Variants in CTDSPL2 observed in about 807,000 individuals in gnomAD.
The protein encoded by CTDSPL2 is CTD small phosphatase-like protein 2.
Under a neutral mutation model 60.0 loss-of-function variants are expected in CTDSPL2, and 5 were observed. The observed-to-expected ratio is 0.08, with a 90% CI of 0.04 to 0.18. The LOEUF is 0.18. Among genes scored for constraint, CTDSPL2 ranks in the 10% least tolerant of loss-of-function variants. The pLI is 1.00. For missense variants in CTDSPL2, 370 were observed against 548.8 expected (o/e 0.67, Z 3.26); for synonymous variants, 186 against 189.3 (o/e 0.98, Z 0.14).
At chr15:44,427,820 C>T (rs1487983999) in intron 1 of CTDSPL2, 48 bp downstream of exon 1, 3 of 397,800 alleles carry the variant, frequency 7.5e-6, no homozygotes, top group South Asian at 2.7e-4. Flanking sequence ...TCTCAGTCCT[C>T]CTCCTCTTCC....
intron 10 of CTDSPL2, among the ~76,000 whole-genome samples, chr15:44,517,075 T>G (rs1474891331): frequency 6.6e-6 from 1 of 151,248 alleles, no homozygotes; most frequent in African/African-American, 2.4e-5. Flanking sequence ...CCTGACCTCG[T>G]GATCCGCCCA....
chr15:44,449,675 C>T (rs1404415498), intron 1 of CTDSPL2, among the ~76,000 whole-genome samples: 3 of 151,964 alleles, frequency 2.0e-5, no homozygotes, highest in Admixed American at 6.6e-5. Flanking sequence ...TCGTTTAAGG[C>T]GAAACACCAT....
intron 2 of CTDSPL2, among the ~76,000 whole-genome samples, chr15:44,480,013 T>C (rs2080996402): frequency 6.6e-6 from 1 of 152,176 alleles, no homozygotes; most frequent in African/African-American, 2.4e-5. Context: ...CTACCATGTG[T>C]TTATTTGGAA....
intron 1 of CTDSPL2, among the ~76,000 whole-genome samples, chr15:44,458,025 G>T (rs1052480739): frequency 2.0e-5 from 3 of 152,184 alleles, no homozygotes; most frequent in African/African-American, 7.2e-5. Flanking sequence ...TACATTTAGA[G>T]TTTAAAGTGC....
intron 2 of CTDSPL2, among the ~76,000 whole-genome samples, chr15:44,464,768 G>A (rs941446235): frequency 1.3e-5 from 2 of 152,182 alleles, no homozygotes; most frequent in African/African-American, 4.8e-5. Context: ...ATGCAGTGGC[G>A]CTGTCTCAGC....
At position 44,506,928 on chromosome 15, in the gene CTDSPL2, G is replaced by A. The variant is rs146390680; in HGVS notation, c.969+7115G>A. On this transcript the variant is annotated intron_variant, in intron 8 of 12. Coordinates refer to ENST00000260327, the MANE Select transcript of CTDSPL2 (RefSeq NM_016396.3). ...ACTACAGGCGCCTGCCACTACACCCGGCTAATTTTTTTGTATTTTTAGTAG... is the reference window on the plus strand; with the variant it reads ...ACTACAGGCGCCTGCCACTACACCCAGCTAATTTTTTTGTATTTTTAGTAG... Among the ~76,000 whole-genome samples the A allele has an allele frequency of 4.8e-3, 720 of 150,826 alleles. 12 individuals carry two copies. The highest frequency in any genetic ancestry group is 0.017 in the African/African-American group (687 of 40,980).
chr15:44,476,209 C>T (rs1164823037), intron 2 of CTDSPL2, among the ~76,000 whole-genome samples: 1 of 152,036 alleles, frequency 6.6e-6, no homozygotes, highest in Non-Finnish European at 1.5e-5. Context: ...GCTGGGACTA[C>T]AGGCGCCCAC....
intron 2 of CTDSPL2, among the ~76,000 whole-genome samples, chr15:44,468,097 A>G (rs1415697145): frequency 1.3e-5 from 2 of 152,146 alleles, no homozygotes. Flanking sequence ...CTCTTCTGAA[A>G]GAGCTTGTGT....
intron 1 of CTDSPL2, among the ~76,000 whole-genome samples, chr15:44,447,186 A>G (rs924855800): frequency 3.9e-5 from 6 of 152,142 alleles, no homozygotes; most frequent in Non-Finnish European, 8.8e-5. Flanking sequence ...TATGTGGTTG[A>G]GAAGGTTAAG....
chr15:44,430,509 A>C (rs1033770818), intron 1 of CTDSPL2, among the ~76,000 whole-genome samples: 2 of 151,814 alleles, frequency 1.3e-5, no homozygotes, highest in African/African-American at 4.8e-5. Flanking sequence ...AGCCTCCCAA[A>C]GTGCTGGGAA....
chr15:44,502,078 G>A (rs769564091), intron 8 of CTDSPL2: 3 of 410,784 alleles, frequency 7.3e-6, no homozygotes, highest in African/African-American at 2.1e-5. Context: ...TTTAACCACT[G>A]TACTATGATG....
intron 2 of CTDSPL2, among the ~76,000 whole-genome samples, chr15:44,473,497 G>A (rs564793589): frequency 5.3e-5 from 8 of 151,928 alleles, no homozygotes; most frequent in Admixed American, 3.9e-4. Flanking sequence ...GGGTTTCACC[G>A]TGTTAGTCAG....
At chr15:44,454,878 T>C (rs2080402998) in intron 1 of CTDSPL2, among the ~76,000 whole-genome samples, 2 of 152,220 alleles carry the variant, frequency 1.3e-5, no homozygotes, top group African/African-American at 4.8e-5. Flanking sequence ...CCAGCTTTGT[T>C]CTTTTGGCTT....
At chr15:44,459,880 T>C (rs2080528478) in intron 2 of CTDSPL2, among the ~76,000 whole-genome samples, 2 of 152,296 alleles carry the variant, frequency 1.3e-5, no homozygotes, top group African/African-American at 4.8e-5. Context: ...GAAGATGTAT[T>C]GCTTCGTTAA....
At chr15:44,442,725 C>G (rs949993966) in intron 1 of CTDSPL2, among the ~76,000 whole-genome samples, 7 of 151,950 alleles carry the variant, frequency 4.6e-5, no homozygotes, top group Non-Finnish European at 1.0e-4. Context: ...CCTGTAATCA[C>G]AGCACTTCAA....
intron 1 of CTDSPL2, among the ~76,000 whole-genome samples, chr15:44,441,263 C>T (rs748617191): frequency 6.6e-6 from 1 of 152,066 alleles, no homozygotes; most frequent in South Asian, 2.1e-4. Flanking sequence ...TTGTGCCTTG[C>T]GGGTAACTGG....
Position 44,459,204 on chromosome 15 carries a change from A to G in CTDSPL2, c.186+4A>G, listed in dbSNP as rs1341777829. On this transcript the variant is annotated splice_donor_region_variant and intron_variant, in intron 2 of 12. Transcript: ENST00000260327. ...TATTAAAGGAAGCACACCTAAGGTA[A>G]TGATTTTACCATATACTTTCATATC... 6.3e-7 allele frequency: 1 copy of G among 1,594,700 alleles called. No individual in the cohort carries two copies. The highest frequency in any genetic ancestry group is 8.5e-7 in the Non-Finnish European group (1 of 1,170,628).
rs539363605 is a variant in CTDSPL2, at chr15:44,521,033, T to C, written c.1240-278T>C. ...GGAATAATGGAATATTTTATTTATA[T>C]TAATGATCCTTATAAAATGTATTTT... On this transcript the variant is annotated intron_variant, in intron 11 of 12. Transcript: ENST00000260327. 1.2e-3 allele frequency: 214 copies of C among 183,128 alleles called. 1 individual carries two copies. The highest frequency in any genetic ancestry group is 4.0e-3 in the Admixed American group (66 of 16,450). The allele number at this position is 183,128 out of a possible 1,614,324, so 11.3% of individuals were successfully genotyped here. A position where few individuals can be genotyped will look rare whatever the true frequency, so the allele number is the denominator to read the frequency against.
At chr15:44,495,709 G>T (rs115458260) in intron 5 of CTDSPL2, among the ~76,000 whole-genome samples, 1 of 151,888 alleles carries the variant, frequency 6.6e-6, no homozygotes, top group Non-Finnish European at 1.5e-5. Context: ...TGAGGTGCAC[G>T]GATCACCTGG....
Sources: allele counts gnomAD v4.1 joint callset (sites outside exome capture counted in the v4.1 genomes callset), GRCh38; gene constraint gnomAD v4.1.1; transcripts MANE v1.5; gene names NCBI Gene and HGNC (gene_info 2026-07-23, HGNC 2026-07-21).